The following PLA2G6 variants were observed in gnomAD, a reference collection of about 807,000 sequenced individuals.
PLA2G6 encodes phospholipase A2 group VI.
Under a neutral mutation model 83.8 loss-of-function variants are expected in PLA2G6, and 62 were observed. That is an observed-to-expected ratio of 0.74 (90% CI 0.60 to 0.91). The LOEUF is 0.91. Among genes scored for constraint, PLA2G6 ranks in the 40% least tolerant of loss-of-function variants. The pLI is 0.00. For synonymous variants in PLA2G6, 417 were observed against 449.8 expected, an observed-to-expected ratio of 0.93 and a Z score of 0.92; for missense variants, 944 against 1,102.0, an observed-to-expected ratio of 0.86 and a Z score of 2.03.
chr22:38,136,725 T>C (rs370425405), intron 5 of PLA2G6: 2 of 149,256 alleles, frequency 1.3e-5, no homozygotes, highest in South Asian at 2.1e-4. Context: ...GAATAGGAAC[T>C]ATATCTCAAT....
Position 38,128,134 on chromosome 22 carries a change from AC to A in PLA2G6, c.1348+134del. ...TGGGTTGCTGGCTGCCTAGAGGCTGACAACTCCGGCCCCATCCTCCCCGGCT... is the reference window on the plus strand; with the variant it reads ...TGGGTTGCTGGCTGCCTAGAGGCTGAAACTCCGGCCCCATCCTCCCCGGCT... On this transcript the variant is annotated intron_variant, in intron 9 of 16. Coordinates refer to ENST00000332509, the MANE Select transcript of PLA2G6 (RefSeq NM_003560.4). This position sits in a 1 kb window ranked among gnomAD's most constrained non-coding sequence, Gnocchi z 4.4. 1.1e-6 allele frequency: 1 copy of A among 916,784 alleles called. No homozygotes were observed. Among genetic ancestry groups the A allele is most frequent in the Non-Finnish European group, 1.7e-6 (1 of 581,240 alleles). 56.8% of individuals were successfully genotyped at this position (916,784 alleles called of 1,614,324 possible).
At chr22:38,157,204 TA>T in intron 2 of PLA2G6, among the ~76,000 whole-genome samples, 1 of 151,754 alleles carries the variant, frequency 6.6e-6, no homozygotes, top group East Asian at 1.9e-4. Flanking sequence ...ACAAAATCAA[TA>T]AATCTTTAAC....
rs1165796695 is a variant in PLA2G6 at position 38,112,062 on chromosome 22, G to A, written c.*99C>T. ...AGGCCTGGTCTATGGACTCAGAGGT[G>A]CCTGGGCCCAGATCTGCCCGGGAGG... On this transcript the variant is annotated 3_prime_UTR_variant, in exon 17 of 17. Transcript: ENST00000332509. The A allele has an allele frequency of 2.1e-6, 3 of 1,395,780 alleles. No individual in the cohort carries two copies. The African/African-American group carries it at 4.3e-5, about 20-fold the overall frequency. The allele number at this position is 1,395,780 out of a possible 1,614,324, so 86.5% of individuals were successfully genotyped here. A position where few individuals can be genotyped will look rare whatever the true frequency, so the allele number is the denominator to read the frequency against.
At position 38,129,482 on chromosome 22, in the gene PLA2G6, A is replaced by G. The variant is rs972262861; in HGVS notation, c.1158T>C (p.Pro386=). 1.9e-6 allele frequency: 3 copies of G among 1,613,298 alleles called. No individual in the cohort carries two copies. The highest frequency in any genetic ancestry group is 1.7e-6 in the Non-Finnish European group (2 of 1,179,336). ...TGCCGATTTTGGAGGCTAGGAATGT[A>G]GGAGTCTCCCCAAAGTCATTCGGGG... ...VDTPNDFGET[P]TFLASKIGRL... The change falls in exon 8 of 17, where the codon CCT becomes CCC. Residue 386 remains proline, a synonymous_variant. Coordinates refer to ENST00000332509, the MANE Select transcript of PLA2G6 (RefSeq NM_003560.4).
At chr22:38,174,049 C>A (rs1463437182) in intron 1 of PLA2G6, among the ~76,000 whole-genome samples, 4 of 150,810 alleles carry the variant, frequency 2.7e-5, no homozygotes, top group African/African-American at 9.8e-5. Flanking sequence ...CAAGACCCTG[C>A]CTCAAAAACA....
chr22:38,129,409 A>C (rs776753734), intron 8 of PLA2G6, 45 bp downstream of exon 8: 2 of 1,363,012 alleles, frequency 1.5e-6, no homozygotes, highest in South Asian at 2.3e-5. Flanking sequence ...CCCTGTATCC[A>C]CCCAACCCTC....
chr22:38,145,267 G>A, intron 3 of PLA2G6, 171 bp downstream of exon 3: 1 of 686,078 alleles, frequency 1.5e-6, no homozygotes, highest in Non-Finnish European at 2.6e-6. Context: ...AGTCTCAAGT[G>A]ATCCTCCCTC....
At chr22:38,127,415 C>T (rs146505672) in intron 9 of PLA2G6, 188 of 1,325,462 alleles carry the variant, frequency 1.4e-4, no homozygotes, top group African/African-American at 1.3e-3. Flanking sequence ...ACCCATCTGA[C>T]GCCGCACCCC....
intron 12 of PLA2G6, among the ~76,000 whole-genome samples, chr22:38,116,943 A>C (rs969859545): frequency 6.6e-6 from 1 of 151,874 alleles, no homozygotes; most frequent in African/African-American, 2.4e-5. Context: ...ACATTCCTAG[A>C]AAAACCTCAC....
chr22:38,128,348 C>T lies in PLA2G6; in HGVS notation c.1269G>A (p.Ala423=), dbSNP rs2087994719. 14 of 1,613,566 alleles carry T rather than the reference C, an allele frequency of 8.7e-6. No individual in the cohort carries two copies. Among genetic ancestry groups the T allele is most frequent in the East Asian group, 2.2e-5 (1 of 44,886 alleles). The change falls in exon 9 of 17, where the codon GCG becomes GCA. Residue 423 remains alanine, a synonymous_variant. Transcript: ENST00000332509. The surrounding 1 kb of genome is among the most constrained non-coding windows in gnomAD (Gnocchi z 4.4). ...GATGTGGCGCTGCAGAGCCCTGCTC[C>T]GCGGGGACCCCGTGGATGGGTGGGA... ...YCFPPIHGVP[A]EQGSAAPHHP...
chr22:38,113,371 A>T, intron 15 of PLA2G6, 116 bp downstream of exon 15: 2 of 1,029,608 alleles, frequency 1.9e-6, no homozygotes, highest in Non-Finnish European at 3.1e-6. Context: ...GCTAAAGGCG[A>T]TGGACAGAGC....
Position 38,133,012 on chromosome 22 carries a change from A to G in PLA2G6, c.896T>C (p.Met299Thr), listed in dbSNP as rs1481709148. Residue 299 changes from methionine to threonine, a missense_variant and splice_region_variant, in exon 7 of 17, where the codon ATG becomes ACG. Physicochemically the swap from Met to Thr is moderately conservative, Grantham distance 81. Transcript: ENST00000332509. ...GCCCCGTTTCAGCAGCATGCGGGCC[A>G]TCTGCGGGAGACGGTCAGGCTGAGT... ...SPLHWAKNAE[M>T]ARMLLKRGCN... The G allele has an allele frequency of 6.4e-7, 1 of 1,561,340 alleles. No individual in the cohort carries two copies. Among genetic ancestry groups the G allele is most frequent in the South Asian group, 1.2e-5 (1 of 84,928 alleles).
At chr22:38,160,704 G>A (rs2089974886) in intron 2 of PLA2G6, among the ~76,000 whole-genome samples, 1 of 152,180 alleles carries the variant, frequency 6.6e-6, no homozygotes, top group Non-Finnish European at 1.5e-5. Flanking sequence ...AATTAGCCGG[G>A]CGTGGTGGCG....
rs539025522 is a variant in PLA2G6, at chr22:38,126,653, C to T, written c.1349-204G>A. 8.4e-6 allele frequency: 5 copies of T among 597,636 alleles called. No homozygotes were observed. The African/African-American group carries it at 9.1e-5, about 11-fold the overall frequency. 37.0% of individuals were successfully genotyped at this position (597,636 alleles called of 1,614,324 possible). A position where few individuals can be genotyped will look rare whatever the true frequency, so the allele number is the denominator to read the frequency against. ...CCACAGGCCACAGGAGAGAAATGGG[C>T]TGGAGTGGAAAGGGGGGCCCACTGC... On this transcript the variant is annotated intron_variant, in intron 9 of 16. Transcript: ENST00000332509.
Position 38,132,037 on chromosome 22 carries a change from C to G in PLA2G6, c.1077+794G>C, listed in dbSNP as rs1380409213. The G allele has an allele frequency of 2.3e-6, 1 of 428,780 alleles. No individual in the cohort carries two copies. The highest frequency in any genetic ancestry group is 7.7e-5 in the East Asian group (1 of 13,024). The allele number at this position is 428,780 out of a possible 1,614,324, so 26.6% of individuals were successfully genotyped here. ...GGCTGAGGCAGGAGAATCGCTTGAACCTGGGAGGCGGAGGTTGTGGTGAGC... is the reference window on the plus strand; with the variant it reads ...GGCTGAGGCAGGAGAATCGCTTGAAGCTGGGAGGCGGAGGTTGTGGTGAGC... On this transcript the variant is annotated intron_variant, in intron 7 of 16. Coordinates refer to ENST00000332509, the MANE Select transcript of PLA2G6 (RefSeq NM_003560.4). This position sits in a 1 kb window ranked among gnomAD's most constrained non-coding sequence, Gnocchi z 5.0.
At chr22:38,119,662 C>A (rs144878486) in intron 12 of PLA2G6, among the ~76,000 whole-genome samples, 1 of 151,942 alleles carries the variant, frequency 6.6e-6, no homozygotes, top group African/African-American at 2.4e-5. Flanking sequence ...CCCATCTCTA[C>A]AAAAAATACA....
chr22:38,168,250 G>A (rs752148177), intron 2 of PLA2G6, among the ~76,000 whole-genome samples: 1 of 152,232 alleles, frequency 6.6e-6, no homozygotes, highest in Non-Finnish European at 1.5e-5. Flanking sequence ...GGTGCTTGGT[G>A]CATGTTGAAT....
chr22:38,122,984 G>A (rs942232118), intron 11 of PLA2G6, 111 bp downstream of exon 11: 5 of 1,071,710 alleles, frequency 4.7e-6, no homozygotes, highest in Admixed American at 2.0e-5. Flanking sequence ...AGTGCTTATA[G>A]CCCTCCTCTA....
chr22:38,173,394 T>C (rs940335147), intron 1 of PLA2G6, among the ~76,000 whole-genome samples: 1 of 152,042 alleles, frequency 6.6e-6, no homozygotes, highest in South Asian at 2.1e-4. Context: ...ACCTCGGCTG[T>C]GTCAAGCAGC....
Sources: gnomAD v4.1 joint callset for allele counts (sites outside exome capture counted in the v4.1 genomes callset) on GRCh38, gnomAD v4.1.1 for gene constraint, Gnocchi (gnomAD v3.1) non-coding constraint, MANE v1.5 for transcripts, NCBI Gene and HGNC (gene_info 2026-07-23, HGNC 2026-07-21) for gene names.